The following CTSC variants were observed in gnomAD, a reference collection of about 807,000 sequenced individuals.
CTSC encodes dipeptidyl peptidase 1.
CTSC carries 37 observed loss-of-function variants against 40.9 expected under a neutral mutation model. The ratio of observed to expected loss-of-function variants is 0.91; its 90% CI spans 0.70 to 1.19. The LOEUF is 1.19. Ranked by LOEUF, CTSC falls within the 50% of genes most tolerant of loss-of-function variation. The pLI is 0.00. For synonymous variants in CTSC, 232 were observed against 207.4 expected, an observed-to-expected ratio of 1.12 and a Z score of -1.02; for missense variants, 594 against 567.3, an observed-to-expected ratio of 1.05 and a Z score of -0.48.
intron 6 of CTSC, 54 bp downstream of exon 6, chr11:88,296,079 C>T: frequency 1.2e-6 from 2 of 1,602,464 alleles, no homozygotes; most frequent in South Asian, 1.1e-5. Context: ...CCAACAACAG[C>T]CAGCTGCACA....
chr11:88,315,182 AAGGCAGGCC>A (rs1175526084), intron 2 of CTSC, among the ~76,000 whole-genome samples: 5 of 152,032 alleles, frequency 3.3e-5, no homozygotes, highest in Non-Finnish European at 7.4e-5. Flanking sequence ...GCATGCTGGT[AAGGCAGGCC>A]AGGTAGGGTT....
At chr11:88,308,184 T>C (rs909975122) in intron 4 of CTSC, among the ~76,000 whole-genome samples, 1 of 152,222 alleles carries the variant, frequency 6.6e-6, no homozygotes, top group Non-Finnish European at 1.5e-5. Flanking sequence ...TCCTGGGCTA[T>C]TGGGCCAAGC....
Position 88,309,253 on chromosome 11 carries a change from G to A in CTSC, c.551C>T (p.Ser184Phe). The stretch of plus-strand genomic sequence containing the variant: ...TTCCATGTATGTAGTTGCAGTCCAA[G>A]ACTTCTGAATGGCATTGATAGCTTT... The part of the protein sequence containing the change: ...FVKAINAIQK[S>F]WTATTYMEYE... The change falls in exon 4 of 7, where the codon TCT becomes TTT. Residue 184 changes from serine (S) to phenylalanine (F), a missense_variant. Physicochemically the swap from Ser to Phe is radical, Grantham distance 155 (BLOSUM62 -2). Coordinates refer to ENST00000227266, the MANE Select transcript of CTSC (RefSeq NM_001814.6). 1 of 1,613,706 alleles carries A rather than the reference G, an allele frequency of 6.2e-7. No individual in the cohort carries two copies. The highest frequency in any genetic ancestry group is 8.5e-7 in the Non-Finnish European group (1 of 1,179,642).
intron 2 of CTSC, chr11:88,324,435 T>A (rs1255584203): frequency 1.0e-6 from 1 of 980,330 alleles, no homozygotes; most frequent in Non-Finnish European, 1.2e-6. Context: ...CTGATAATAT[T>A]CTTTAGAGCA....
intron 5 of CTSC, chr11:88,297,762 T>C (rs1944314324): frequency 6.6e-6 from 1 of 152,210 alleles, no homozygotes; most frequent in Non-Finnish European, 1.5e-5. Context: ...AGGTAATTAA[T>C]GCCTCATTTC....
intron 3 of CTSC, among the ~76,000 whole-genome samples, chr11:88,310,526 C>G (rs1937730401): frequency 6.6e-6 from 1 of 152,148 alleles, no homozygotes; most frequent in African/African-American, 2.4e-5. Flanking sequence ...AGGCATACTG[C>G]AAACTTTTCT....
chr11:88,302,277 T>C (rs1944373565), intron 4 of CTSC, among the ~76,000 whole-genome samples: 1 of 152,116 alleles, frequency 6.6e-6, no homozygotes, highest in Admixed American at 6.6e-5. Context: ...TCTGCACCTA[T>C]CCACAAATGG....
At chr11:88,333,126 G>A (rs570493891) in intron 2 of CTSC, among the ~76,000 whole-genome samples, 83 of 152,238 alleles carry the variant, frequency 5.5e-4, no homozygotes, top group African/African-American at 2.0e-3. Flanking sequence ...AGAACTAACT[G>A]ATGAAAAAAT....
chr11:88,312,957 G>A (rs1167037593), intron 2 of CTSC, among the ~76,000 whole-genome samples: 1 of 152,156 alleles, frequency 6.6e-6, no homozygotes, highest in Non-Finnish European at 1.5e-5. Flanking sequence ...CAGAGATAAG[G>A]AGCTCCTACC....
chr11:88,324,621 C>T (rs962904818), intron 2 of CTSC: 2 of 984,460 alleles, frequency 2.0e-6, no homozygotes, highest in Non-Finnish European at 2.4e-6. Context: ...TGAAGATATA[C>T]AGGGAGAAAT....
chr11:88,334,067 T>C (rs1349775762), intron 2 of CTSC, among the ~76,000 whole-genome samples: 1 of 152,240 alleles, frequency 6.6e-6, no homozygotes, highest in Non-Finnish European at 1.5e-5. Flanking sequence ...TTTTATCATA[T>C]TTAACAGAGT....
rs11019400 is a variant in CTSC at position 88,337,690 on chromosome 11, A to G, written c.-18T>C. On this transcript the variant is annotated 5_prime_UTR_variant, in exon 1 of 7. Coordinates refer to ENST00000227266, the MANE Select transcript of CTSC (RefSeq NM_001814.6). ...GCACCCATGCTGCAGGGAGCTGAGA[A>G]AAGAGGTGAAGAATTACCAGGAAGC... The G allele has an allele frequency of 0.086, 135,017 of 1,561,084 alleles. 6,255 individuals are homozygous for G. The highest frequency in any genetic ancestry group is 0.1 in the African/African-American group (7,393 of 73,624).
chr11:88,313,644 A>G (rs1828078919), intron 2 of CTSC, among the ~76,000 whole-genome samples: 1 of 152,142 alleles, frequency 6.6e-6, no homozygotes, highest in African/African-American at 2.4e-5. Context: ...CATGTGGGAG[A>G]CAGAAAGGGA....
chr11:88,322,418 C>T (rs967773433), intron 2 of CTSC: 3 of 152,002 alleles, frequency 2.0e-5, no homozygotes, highest in African/African-American at 7.3e-5. Flanking sequence ...AGTTGATTTT[C>T]GTATATGGAT....
At chr11:88,326,998 GAA>G (rs1938212470) in intron 2 of CTSC, among the ~76,000 whole-genome samples, 3 of 152,046 alleles carry the variant, frequency 2.0e-5, no homozygotes, top group Admixed American at 2.0e-4. Flanking sequence ...ACCTATCTGG[GAA>G]AAGTTTCCTA....
rs777234132 is a variant in CTSC at position 88,294,485 on chromosome 11, G to A, written c.913C>T (p.Leu305Phe). The A allele has an allele frequency of 2.5e-5, 41 of 1,614,114 alleles. No homozygotes were observed. Among genetic ancestry groups the A allele is most frequent in the Non-Finnish European group, 3.4e-5 (40 of 1,180,016 alleles). The part of the protein sequence containing the change: ...AQGCEGGFPY[L>F]IAGKYAQDFG... ...TCTTGGGCGTACTTTCCTGCAATAA[G>A]GTATGGGAAGCCGCCTTCACAGCCT... Residue 305 changes from leucine (L) to phenylalanine (F), a missense_variant, in exon 7 of 7, where the codon CTT becomes TTT. Coordinates refer to ENST00000227266, the MANE Select transcript of CTSC (RefSeq NM_001814.6).
chr11:88,305,911 C>T (rs1937626862), intron 4 of CTSC, among the ~76,000 whole-genome samples: 1 of 152,194 alleles, frequency 6.6e-6, no homozygotes, highest in Admixed American at 6.5e-5. Flanking sequence ...ATCTTTCAGG[C>T]AGGAGCCACA....
At chr11:88,318,984 G>C (rs1314949301) in intron 2 of CTSC, among the ~76,000 whole-genome samples, 1 of 152,028 alleles carries the variant, frequency 6.6e-6, no homozygotes, top group Non-Finnish European at 1.5e-5. Flanking sequence ...AACAACATTG[G>C]TGTGCCCATC....
intron 4 of CTSC, among the ~76,000 whole-genome samples, chr11:88,302,621 GC>G (rs1294354394): frequency 1.8e-5 from 1 of 54,744 alleles, no homozygotes; most frequent in Non-Finnish European, 3.0e-5. Context: ...GCAAGACTCC[GC>G]CTCAAAAAAA....
Sources: allele counts gnomAD v4.1 joint callset (sites outside exome capture counted in the v4.1 genomes callset), GRCh38; gene constraint gnomAD v4.1.1; transcripts MANE v1.5; gene names NCBI Gene and HGNC (gene_info 2026-07-23, HGNC 2026-07-21).